The following FNDC3A variants were observed in gnomAD, a reference collection of about 807,000 sequenced individuals.
FNDC3A encodes fibronectin type-III domain-containing protein 3A.
A neutral mutation model predicts 148.9 loss-of-function variants in FNDC3A; 32 were observed. The ratio of observed to expected loss-of-function variants is 0.21; its 90% confidence interval spans 0.16 to 0.29. The LOEUF (loss-of-function observed/expected upper bound fraction) is 0.29. Ranked by LOEUF, FNDC3A falls within the 10% of genes least tolerant of loss-of-function variation. The probability of loss-of-function intolerance (pLI) is 1.00; values close to 1 mark genes in which losing one functional copy is unlikely to be tolerated. For missense variants in FNDC3A, 1,191 were observed against 1,452.8 expected, an observed-to-expected ratio of 0.82 and a Z score of 2.93; for synonymous variants, 472 against 473.6, an observed-to-expected ratio of 1.00 and a Z score of 0.04.
intron 7 of FNDC3A, among the ~76,000 whole-genome samples, chr13:49,142,101 A>G (rs1434323636): frequency 1.3e-5 from 2 of 152,236 alleles, no homozygotes; most frequent in Non-Finnish European, 2.9e-5. Flanking sequence ...TAACATTAGC[A>G]TACAAATAGA....
In FNDC3A at chr13:49,167,320, G is replaced by T; in HGVS notation, c.1037+17G>T. 1 of 1,535,306 alleles carries T rather than the reference G, an allele frequency of 6.5e-7. No individual in the cohort carries two copies. The highest frequency in any genetic ancestry group is 8.9e-7 in the Non-Finnish European group (1 of 1,118,860). On this transcript the variant is annotated intron_variant, in intron 9 of 25. Coordinates refer to ENST00000492622, the MANE Select transcript of FNDC3A (RefSeq NM_001079673.2). The stretch of plus-strand genomic sequence containing the variant: ...CCATGCAAAGTAAGGAATTCCTACA[G>T]ATTGCCTTTATAAGATACAGCATAA...
chr13:49,082,864 G>A (rs975158883), intron 3 of FNDC3A, among the ~76,000 whole-genome samples: 1 of 152,132 alleles, frequency 6.6e-6, no homozygotes, highest in Non-Finnish European at 1.5e-5. Context: ...ACTTGAGCAG[G>A]ATGAGGCAGT....
intron 3 of FNDC3A, among the ~76,000 whole-genome samples, chr13:49,089,203 C>T (rs1362554574): frequency 6.6e-6 from 1 of 152,082 alleles, no homozygotes; most frequent in Non-Finnish European, 1.5e-5. Context: ...CTGTATTTTA[C>T]CACAATTTAA....
intron 23 of FNDC3A, among the ~76,000 whole-genome samples, chr13:49,200,561 G>A (rs1243920770): frequency 1.3e-5 from 2 of 151,946 alleles, no homozygotes; most frequent in Non-Finnish European, 2.9e-5. Context: ...ATTTGGGGTA[G>A]TGCAAGAAGG....
intron 7 of FNDC3A, among the ~76,000 whole-genome samples, chr13:49,140,456 A>G (rs1366153278): frequency 6.6e-6 from 1 of 152,238 alleles, no homozygotes; most frequent in Non-Finnish European, 1.5e-5. Context: ...TGAGCCCTGT[A>G]TCATAAAGTA....
intron 3 of FNDC3A, among the ~76,000 whole-genome samples, chr13:49,096,645 G>T: frequency 6.6e-6 from 1 of 152,090 alleles, no homozygotes; most frequent in African/African-American, 2.4e-5. Context: ...TTTCCCTAGA[G>T]AGAGAATTTG....
intron 3 of FNDC3A, among the ~76,000 whole-genome samples, chr13:49,081,535 T>G (rs975424514): frequency 1.3e-5 from 2 of 152,226 alleles, no homozygotes; most frequent in African/African-American, 4.8e-5. Flanking sequence ...TGTGTCCGTG[T>G]GTATACACAT....
intron 1 of FNDC3A, among the ~76,000 whole-genome samples, chr13:48,981,937 G>C (rs574643238): frequency 6.6e-6 from 1 of 152,168 alleles, no homozygotes; most frequent in South Asian, 2.1e-4. Context: ...TACTTCTTCA[G>C]TGAGGGATTA....
At chr13:49,074,198 A>G (rs1364021388) in intron 2 of FNDC3A, among the ~76,000 whole-genome samples, 1 of 152,026 alleles carries the variant, frequency 6.6e-6, no homozygotes, top group South Asian at 2.1e-4. Flanking sequence ...AGCAATATAC[A>G]CTGTACCCAA....
At chr13:48,985,692 AT>A (rs1450699350) in intron 1 of FNDC3A, among the ~76,000 whole-genome samples, 1 of 152,236 alleles carries the variant, frequency 6.6e-6, no homozygotes, top group Non-Finnish European at 1.5e-5. Context: ...AGTGTATGTG[AT>A]TTCACTTACA....
intron 13 of FNDC3A, among the ~76,000 whole-genome samples, chr13:49,176,681 T>G (rs891363836): frequency 5.9e-5 from 9 of 152,220 alleles, no homozygotes; most frequent in African/African-American, 2.2e-4. Flanking sequence ...TTAATCCTAA[T>G]ACAATAAATA....
At chr13:49,134,277 A>T (rs1882201872) in intron 5 of FNDC3A, among the ~76,000 whole-genome samples, 1 of 152,168 alleles carries the variant, frequency 6.6e-6, no homozygotes, top group Non-Finnish European at 1.5e-5. Context: ...TCATATAAAA[A>T]TTTCATTAAA....
intron 5 of FNDC3A, among the ~76,000 whole-genome samples, chr13:49,133,185 A>AG (rs1882137426): frequency 6.6e-6 from 1 of 152,172 alleles, no homozygotes; most frequent in Non-Finnish European, 1.5e-5. Flanking sequence ...ACAAGCCCCT[A>AG]GGAGATGTTC....
rs1292413850 is a variant in FNDC3A, at chr13:49,207,133, G to A, written c.3335G>A (p.Cys1112Tyr). 1.5e-5 allele frequency: 24 copies of A among 1,614,052 alleles called. No individual in the cohort carries two copies. Among genetic ancestry groups the A allele is most frequent in the Non-Finnish European group, 2.0e-5 (24 of 1,180,018 alleles). Residue 1112 changes from cysteine to tyrosine, a missense_variant, in exon 26 of 26, where the codon TGT becomes TAT. By Grantham distance (194) the Cys-to-Tyr change is radical. This residue lies in a region of FNDC3A where 751 missense variants were observed against 944.0 expected (regional missense o/e 0.80). Transcript: ENST00000492622. ...SFRYSSLQLN[C>Y]EYRFRVCAIR... ...CGGTATTCCAGCCTTCAGCTGAACT[G>A]TGAATATCGCTTCCGTGTATGTGCC... is the stretch of plus-strand genomic sequence containing the variant.
chr13:49,122,200 G>A (rs762118741), intron 4 of FNDC3A, among the ~76,000 whole-genome samples: 9 of 152,032 alleles, frequency 5.9e-5, no homozygotes, highest in Admixed American at 2.0e-4. Context: ...TTCAACATAC[G>A]TAAATCAATA....
At position 49,176,905 on chromosome 13, in the gene FNDC3A, A is replaced by G. The variant is rs560011848; in HGVS notation, c.1530+1364A>G. On this transcript the variant is annotated intron_variant, in intron 13 of 25. Transcript: ENST00000492622. ...AGCCTTGAACTCCTGGGCTCAGGCAATCCTTTCACCTCAGCCTTTCAAGTA... is the reference window on the plus strand; with the variant it reads ...AGCCTTGAACTCCTGGGCTCAGGCAGTCCTTTCACCTCAGCCTTTCAAGTA... Among the ~76,000 whole-genome samples the G allele has an allele frequency of 9.9e-5, 15 of 152,226 alleles. 1 individual carries two copies. The East Asian group carries it at 1.7e-3, about 18-fold the overall frequency.
chr13:49,025,056 A>G (rs1245245059), intron 2 of FNDC3A, among the ~76,000 whole-genome samples: 1 of 152,068 alleles, frequency 6.6e-6, no homozygotes. Flanking sequence ...TAGAGGAATC[A>G]TGGCTGTAGG....
chr13:49,085,333 G>T (rs1878734330), intron 3 of FNDC3A, among the ~76,000 whole-genome samples: 1 of 152,136 alleles, frequency 6.6e-6, no homozygotes, highest in Non-Finnish European at 1.5e-5. Context: ...GGAGCTCCTG[G>T]CCTTGTCCTT....
At chr13:49,024,691 TAAAA>T (rs906783748) in intron 2 of FNDC3A, among the ~76,000 whole-genome samples, 2 of 150,934 alleles carry the variant, frequency 1.3e-5, no homozygotes, top group Admixed American at 6.6e-5. Context: ...TTCATGATTT[TAAAA>T]AAAAACCCTC....
Sources: allele counts gnomAD v4.1 joint callset (sites outside exome capture counted in the v4.1 genomes callset), GRCh38; gene constraint gnomAD v4.1.1; regional missense constraint gnomAD v4.1.1; transcripts MANE v1.5; gene names NCBI Gene and HGNC (gene_info 2026-07-23, HGNC 2026-07-21).